The following GALNT13 variants were observed in gnomAD, a reference collection of about 807,000 sequenced individuals.
GALNT13 encodes UDP-GalNAc:polypeptide N-acetylgalactosaminyltransferase 13.
GALNT13 carries 28 observed loss-of-function variants against 64.2 expected under a neutral mutation model. That is an observed-to-expected ratio of 0.44 (90% CI 0.32 to 0.60). The LOEUF (loss-of-function observed/expected upper bound fraction) is 0.60, where lower values mean the gene tolerates loss of function less well. GALNT13 is among the 20% of genes least tolerant of loss of function. GALNT13 has a pLI of 0.05. For synonymous variants in GALNT13, 214 were observed against 224.6 expected (o/e 0.95, Z 0.42); for missense variants, 577 against 669.8 (o/e 0.86, Z 1.53).
At chr2:153,114,161 A>G in the GALNT13 span, among the ~76,000 whole-genome samples, 5 of 152,102 alleles carry the variant, frequency 3.3e-5, no homozygotes, top group African/African-American at 9.7e-5. Flanking sequence ...CTTGGAGATG[A>G]TGCTTGACCT....
At chr2:153,766,991 T>A in the GALNT13 span, among the ~76,000 whole-genome samples, 2 of 152,262 alleles carry the variant, frequency 1.3e-5, no homozygotes, top group South Asian at 4.1e-4. Flanking sequence ...ATGTGCATAC[T>A]TTTTTACATA....
At chr2:154,329,911 A>C (rs1439639529) in intron 9 of GALNT13, among the ~76,000 whole-genome samples, 1 of 152,122 alleles carries the variant, frequency 6.6e-6, no homozygotes, top group African/African-American at 2.4e-5. Context: ...CCCTCACCAG[A>C]AATAGATTCT....
chr2:154,267,689 A>C (rs2105915959), intron 8 of GALNT13, among the ~76,000 whole-genome samples: 1 of 152,302 alleles, frequency 6.6e-6, no homozygotes, highest in South Asian at 2.1e-4. Flanking sequence ...AGCCACTATT[A>C]AGAGAAAGAG....
the GALNT13 span, among the ~76,000 whole-genome samples, chr2:153,587,409 A>G: frequency 1.3e-5 from 2 of 152,166 alleles, no homozygotes; most frequent in Non-Finnish European, 1.5e-5. Context: ...GCAATTTACA[A>G]AAGAAAGAGG....
At chr2:153,117,995 T>G in the GALNT13 span, among the ~76,000 whole-genome samples, 1 of 152,108 alleles carries the variant, frequency 6.6e-6, no homozygotes, top group African/African-American at 2.4e-5. Context: ...CTATTATCTT[T>G]TCCTTGAACT....
At chr2:154,002,326 T>C (rs1041476557) in intron 3 of GALNT13, among the ~76,000 whole-genome samples, 4 of 152,138 alleles carry the variant, frequency 2.6e-5, no homozygotes, top group South Asian at 4.1e-4. Flanking sequence ...TGTTTCATAA[T>C]GCTTGTAGGC....
chr2:153,706,500 T>C, the GALNT13 span, among the ~76,000 whole-genome samples: 1 of 152,206 alleles, frequency 6.6e-6, no homozygotes, highest in Non-Finnish European at 1.5e-5. Flanking sequence ...CATTTTAACA[T>C]TTAACATTAC....
At chr2:154,414,691 AG>A (rs1389292302) in intron 11 of GALNT13, among the ~76,000 whole-genome samples, 1 of 151,934 alleles carries the variant, frequency 6.6e-6, no homozygotes, top group East Asian at 1.9e-4. Context: ...GGGGGTTGAA[AG>A]GGGTCTTTTT....
intron 4 of GALNT13, among the ~76,000 whole-genome samples, chr2:154,211,629 CAAAAAAAAAAA>C (rs140095331): frequency 7.9e-5 from 3 of 37,946 alleles, no homozygotes; most frequent in Admixed American, 4.8e-4. Flanking sequence ...ACTCCATCTC[CAAAAAAAAAAA>C]AAAAAAAAAA....
intron 3 of GALNT13, among the ~76,000 whole-genome samples, chr2:154,051,017 T>A (rs1699574679): frequency 6.6e-6 from 1 of 152,190 alleles, no homozygotes; most frequent in Non-Finnish European, 1.5e-5. Flanking sequence ...ATAGAAAGTC[T>A]TCTCGGAAAC....
chr2:153,988,047 T>G, intron 3 of GALNT13, among the ~76,000 whole-genome samples: 2 of 143,564 alleles, frequency 1.4e-5, no homozygotes, highest in African/African-American at 2.5e-5. Flanking sequence ...CATTTGAGGG[T>G]AGGAGGTGAC....
the GALNT13 span, among the ~76,000 whole-genome samples, chr2:153,318,477 C>T: frequency 3.3e-5 from 5 of 152,176 alleles, no homozygotes; most frequent in African/African-American, 1.2e-4. Context: ...TTGGGTTTGA[C>T]TGGGTTTGCA....
At chr2:154,238,058 A>G (rs368704957) in intron 4 of GALNT13, among the ~76,000 whole-genome samples, 1 of 152,150 alleles carries the variant, frequency 6.6e-6, no homozygotes, top group African/African-American at 2.4e-5. Flanking sequence ...GGTATTATAA[A>G]TGTAGAATCA....
chr2:154,245,538 TAAAA>T (rs1313145466), intron 6 of GALNT13, among the ~76,000 whole-genome samples: 1 of 152,128 alleles, frequency 6.6e-6, no homozygotes. Flanking sequence ...GGAGGTTTTA[TAAAA>T]AATAGACCCT....
At chr2:153,729,180 A>G in the GALNT13 span, among the ~76,000 whole-genome samples, 1 of 152,142 alleles carries the variant, frequency 6.6e-6, no homozygotes, top group Non-Finnish European at 1.5e-5. Flanking sequence ...ATTCCCTTTG[A>G]AAACCAGCTC....
the GALNT13 span, among the ~76,000 whole-genome samples, chr2:153,422,358 G>A: frequency 2.0e-5 from 3 of 152,172 alleles, no homozygotes; most frequent in Non-Finnish European, 4.4e-5. Context: ...ATTTTTAAAT[G>A]GAAAATAACC....
intron 2 of GALNT13, among the ~76,000 whole-genome samples, chr2:153,921,525 C>G (rs1689754882): frequency 6.6e-6 from 1 of 151,992 alleles, no homozygotes; most frequent in African/African-American, 2.4e-5. Flanking sequence ...TATGTTTATT[C>G]TTGGGTGATG....
intron 9 of GALNT13, among the ~76,000 whole-genome samples, chr2:154,305,053 A>G (rs1268717467): frequency 6.6e-6 from 1 of 152,222 alleles, no homozygotes; most frequent in Admixed American, 6.5e-5. Context: ...CTGGATGTCT[A>G]AAACAATTTG....
rs1284453593 is a variant in GALNT13 at position 154,242,712 on chromosome 2, A to G, written c.493A>G (p.Thr165Ala). 1 of 1,608,998 alleles carries G rather than the reference A, an allele frequency of 6.2e-7. No homozygotes were observed. The highest frequency in any genetic ancestry group is 8.5e-7 in the Non-Finnish European group (1 of 1,175,432). Residue 165 changes from threonine to alanine, a missense_variant, in exon 6 of 13, where the codon ACA becomes GCA. Around this residue, in one of 3 missense-constraint regions of GALNT13, gnomAD observed 341 missense variants for 379.3 expected, o/e 0.90. Coordinates refer to ENST00000392825, the MANE Select transcript of GALNT13 (RefSeq NM_052917.4). ...ACATGTTACAGATTTTCTCAAGTTG[A>G]CATTAGAGAATTACGTGAAAAATTT... ...DASERDFLKL[T>A]LENYVKNLEV...
Sources: gnomAD v4.1 joint callset for allele counts (sites outside exome capture counted in the v4.1 genomes callset) on GRCh38, gnomAD v4.1.1 for gene constraint, gnomAD v4.1.1 regional missense constraint, MANE v1.5 for transcripts, NCBI Gene and HGNC (gene_info 2026-07-23, HGNC 2026-07-21) for gene names.